The following RALGAPA2 variants were observed in gnomAD, a reference collection of about 807,000 sequenced individuals.
RALGAPA2 encodes Ral GTPase activating protein catalytic subunit alpha 2.
RALGAPA2 carries 139 observed loss-of-function variants against 230.4 expected under a neutral mutation model. That is an observed-to-expected ratio of 0.60 (90% CI 0.53 to 0.69). The LOEUF (loss-of-function observed/expected upper bound fraction) is 0.69. Ranked by LOEUF, RALGAPA2 falls within the 30% of genes least tolerant of loss-of-function variation. RALGAPA2 has a pLI of 0.00. For missense variants in RALGAPA2, 2,163 were observed against 2,276.0 expected (o/e 0.95, Z 1.01); for synonymous variants, 847 against 837.8 (o/e 1.01, Z -0.19).
At chr20:20,404,706 T>C (rs1281787148) in intron 38 of RALGAPA2, among the ~76,000 whole-genome samples, 1 of 152,230 alleles carries the variant, frequency 6.6e-6, no homozygotes, top group African/African-American at 2.4e-5. Flanking sequence ...AGCCATCTCT[T>C]GGCAACTGCT....
chr20:20,646,111 G>C (rs1252919987), intron 4 of RALGAPA2, among the ~76,000 whole-genome samples: 1 of 151,648 alleles, frequency 6.6e-6, no homozygotes, highest in Non-Finnish European at 1.5e-5. Context: ...CTGGAGTGCA[G>C]TGGCGCGATC....
intron 23 of RALGAPA2, among the ~76,000 whole-genome samples, chr20:20,563,261 A>T (rs924815735): frequency 6.6e-6 from 1 of 152,256 alleles, no homozygotes; most frequent in Non-Finnish European, 1.5e-5. Context: ...TGAGTAAAGT[A>T]AATTCAGGTC....
At chr20:20,524,961 T>C in intron 28 of RALGAPA2, 63 bp from the exon 29 acceptor site, 1 of 1,459,836 alleles carries the variant, frequency 6.9e-7, no homozygotes, top group Middle Eastern at 1.7e-4. Flanking sequence ...AAGCCTATGT[T>C]AGGAGTCCCA....
chr20:20,632,827 T>A (rs1295247093), intron 9 of RALGAPA2, among the ~76,000 whole-genome samples: 1 of 152,220 alleles, frequency 6.6e-6, no homozygotes, highest in African/African-American at 2.4e-5. Flanking sequence ...GGGTTGTTTG[T>A]CTTCTTACCA....
chr20:20,613,999 C>T (rs563558128), intron 13 of RALGAPA2, among the ~76,000 whole-genome samples: 133 of 152,220 alleles, frequency 8.7e-4, no homozygotes, highest in African/African-American at 3.2e-3. Flanking sequence ...AGGGCAGGGA[C>T]CTTGTCTACA....
chr20:20,583,366 T>G (rs2065043602), intron 19 of RALGAPA2, 140 bp from the exon 20 acceptor site: 3 of 938,720 alleles, frequency 3.2e-6, no homozygotes, highest in Non-Finnish European at 4.6e-6. Context: ...CCTGCAGAAC[T>G]TGAGAGGAGC....
intron 37 of RALGAPA2, among the ~76,000 whole-genome samples, chr20:20,443,006 C>T (rs1013297644): frequency 3.9e-5 from 6 of 152,170 alleles, no homozygotes; most frequent in African/African-American, 1.2e-4. Context: ...AAAGCTCTAT[C>T]AATGGACCAT....
At chr20:20,691,867 G>A (rs1283108888) in intron 1 of RALGAPA2, among the ~76,000 whole-genome samples, 1 of 152,150 alleles carries the variant, frequency 6.6e-6, no homozygotes, top group Non-Finnish European at 1.5e-5. Context: ...ATTGGAGGTG[G>A]GGCCTGGTGG....
chr20:20,538,276 T>C (rs1331261266), intron 24 of RALGAPA2, among the ~76,000 whole-genome samples: 4 of 152,202 alleles, frequency 2.6e-5, no homozygotes, highest in Non-Finnish European at 4.4e-5. Flanking sequence ...AAGGATTGGT[T>C]CTGCTCAGGA....
chr20:20,410,932 G>A (rs769216800), intron 38 of RALGAPA2, among the ~76,000 whole-genome samples: 2 of 152,172 alleles, frequency 1.3e-5, no homozygotes, highest in African/African-American at 2.4e-5. Context: ...GCGCAAGTGC[G>A]TGCCTCTCCC....
At chr20:20,496,804 A>AG (rs2062218469) in intron 35 of RALGAPA2, among the ~76,000 whole-genome samples, 1 of 152,224 alleles carries the variant, frequency 6.6e-6, no homozygotes, top group Non-Finnish European at 1.5e-5. Context: ...TACAAAAGGA[A>AG]GCTCATCTGT....
intron 2 of RALGAPA2, among the ~76,000 whole-genome samples, chr20:20,676,930 C>T (rs1466244204): frequency 1.3e-5 from 2 of 152,182 alleles, no homozygotes; most frequent in African/African-American, 4.8e-5. Context: ...AAATCAGCCA[C>T]AGACAATACA....
chr20:20,554,536 GA>G (rs2064024443), intron 23 of RALGAPA2, among the ~76,000 whole-genome samples: 1 of 152,088 alleles, frequency 6.6e-6, no homozygotes, highest in South Asian at 2.1e-4. Context: ...ATCTTCTCTG[GA>G]GAAGTTTAAG....
intron 1 of RALGAPA2, among the ~76,000 whole-genome samples, chr20:20,702,536 G>C (rs1001797017): frequency 6.6e-6 from 1 of 152,230 alleles, no homozygotes; most frequent in African/African-American, 2.4e-5. Flanking sequence ...AGAGGCATCT[G>C]AAGTGTGCAG....
intron 1 of RALGAPA2, among the ~76,000 whole-genome samples, chr20:20,702,245 A>G (rs1433871181): frequency 1.3e-5 from 2 of 152,172 alleles, no homozygotes; most frequent in Non-Finnish European, 2.9e-5. Context: ...CAGGATGGAC[A>G]ACACCATCCA....
intron 16 of RALGAPA2, among the ~76,000 whole-genome samples, chr20:20,592,772 A>G (rs936028026): frequency 6.6e-6 from 1 of 152,190 alleles, no homozygotes; most frequent in Non-Finnish European, 1.5e-5. Flanking sequence ...CACCTTAAGC[A>G]AGAAGTATGT....
chr20:20,691,735 C>G (rs1396641919), intron 1 of RALGAPA2, among the ~76,000 whole-genome samples: 1 of 152,160 alleles, frequency 6.6e-6, no homozygotes, highest in Non-Finnish European at 1.5e-5. Flanking sequence ...GAAGGGGAGC[C>G]TAGAATCCTG....
chr20:20,669,714 T>C (rs887942185), intron 3 of RALGAPA2, among the ~76,000 whole-genome samples: 1 of 152,348 alleles, frequency 6.6e-6, no homozygotes, highest in African/African-American at 2.4e-5. Context: ...GATTTTGCCT[T>C]GGTGCTTCCC....
chr20:20,535,841 TC>T, intron 25 of RALGAPA2, 38 bp from the exon 26 acceptor site: 1 of 1,533,172 alleles, frequency 6.5e-7, no homozygotes, highest in Middle Eastern at 1.7e-4. Context: ...AAACTTTGTG[TC>T]ATAGTTGGTT....
Sources: allele counts gnomAD v4.1 joint callset (sites outside exome capture counted in the v4.1 genomes callset), GRCh38; gene constraint gnomAD v4.1.1; transcripts MANE v1.5; gene names NCBI Gene and HGNC (gene_info 2026-07-23, HGNC 2026-07-21).